GABRB2: variants seen among roughly 807,000 people sequenced by gnomAD.
GABRB2 encodes gamma-aminobutyric acid receptor subunit beta-2.
GABRB2 carries 16 observed loss-of-function variants against 54.7 expected under a neutral mutation model. The observed-to-expected ratio is 0.29, with a 90% confidence interval of 0.20 to 0.44. The LOEUF (loss-of-function observed/expected upper bound fraction) is 0.44, where lower values mean the gene tolerates loss of function less well. Ranked by LOEUF, GABRB2 falls within the 20% of genes least tolerant of loss-of-function variation. The pLI, the probability that GABRB2 is intolerant of heterozygous loss-of-function variation, is 1.00. For synonymous variants in GABRB2, 244 were observed against 233.8 expected (o/e 1.04, Z -0.40); for missense variants, 355 against 644.0 (o/e 0.55, Z 4.86).
intron 3 of GABRB2, among the ~76,000 whole-genome samples, chr5:161,517,650 A>G (rs562489977): frequency 6.6e-6 from 1 of 152,340 alleles, no homozygotes; most frequent in East Asian, 1.9e-4. Flanking sequence ...CACCGCCTGC[A>G]TTACTGCATC....
chr5:161,508,024 A>G (rs1386428376), intron 3 of GABRB2, among the ~76,000 whole-genome samples: 1 of 152,020 alleles, frequency 6.6e-6, no homozygotes, highest in East Asian at 1.9e-4. Flanking sequence ...GAATGGAAAC[A>G]TATGTATGCA....
chr5:161,522,530 GT>G (rs1431653064), intron 3 of GABRB2, among the ~76,000 whole-genome samples: 2 of 151,478 alleles, frequency 1.3e-5, no homozygotes, highest in African/African-American at 2.4e-5. Flanking sequence ...AGCAATGCTT[GT>G]TTTTTTCTAC....
At chr5:161,424,372 G>A (rs1756937024) in intron 4 of GABRB2, among the ~76,000 whole-genome samples, 1 of 152,054 alleles carries the variant, frequency 6.6e-6, no homozygotes. Flanking sequence ...GTTAAGGGCA[G>A]GTGACTCTTG....
chr5:161,403,467 C>T (rs1382094479), intron 5 of GABRB2, among the ~76,000 whole-genome samples: 1 of 152,060 alleles, frequency 6.6e-6, no homozygotes, highest in East Asian at 1.9e-4. Flanking sequence ...GTTTTAAAAA[C>T]CCATATGAGA....
Position 161,536,984 on chromosome 5 carries a change from C to A in GABRB2, c.237+8243G>T, listed in dbSNP as rs188818846. Among the ~76,000 whole-genome samples, 140 of 152,252 alleles carry A rather than the reference C, an allele frequency of 9.2e-4. 1 individual carries two copies. Among genetic ancestry groups the A allele is most frequent in the African/African-American group, 3.2e-3 (131 of 41,554 alleles). Reference sequence around the variant, plus strand: ...AAAGTGTAGTCTTCGACCACCGAAACTCCTCTTGCTACATTTCACCAGTGC... The same window carrying A: ...AAAGTGTAGTCTTCGACCACCGAAAATCCTCTTGCTACATTTCACCAGTGC... On this transcript the variant is annotated intron_variant, in intron 3 of 9. Transcript: ENST00000393959.
intron 5 of GABRB2, among the ~76,000 whole-genome samples, chr5:161,373,953 T>G (rs958392634): frequency 2.0e-5 from 3 of 152,126 alleles, no homozygotes; most frequent in African/African-American, 7.2e-5. Context: ...ATTAATTTTA[T>G]TTTTGTTGAG....
chr5:161,342,774 T>C (rs1189879355), intron 5 of GABRB2, among the ~76,000 whole-genome samples: 1 of 152,096 alleles, frequency 6.6e-6, no homozygotes, highest in East Asian at 1.9e-4. Flanking sequence ...TTCTGATTTT[T>C]AGTGGGTTAA....
chr5:161,294,978 G>A (rs1242740606), intron 9 of GABRB2, among the ~76,000 whole-genome samples: 1 of 152,128 alleles, frequency 6.6e-6, no homozygotes, highest in Non-Finnish European at 1.5e-5. Context: ...AAAACCCCCA[G>A]TTATGAGATG....
At chr5:161,477,756 G>A (rs532757801) in intron 3 of GABRB2, among the ~76,000 whole-genome samples, 1 of 152,094 alleles carries the variant, frequency 6.6e-6, no homozygotes, top group South Asian at 2.1e-4. Context: ...ATCTAGAGTA[G>A]TGAAGTTCAT....
At position 161,288,556 on chromosome 5, in the gene GABRB2, A is replaced by G. The variant is rs1220010759; in HGVS notation, c.*5525T>C. ...TTCAAGAAAATAATTCTTATGTGCT[A>G]TTCATTTATAATCCTCATTTTTTAC... On this transcript the variant is annotated 3_prime_UTR_variant, in exon 10 of 10. Coordinates refer to ENST00000393959, the MANE Select transcript of GABRB2 (RefSeq NM_001371727.1). 1 of 152,640 alleles carries G rather than the reference A, an allele frequency of 6.6e-6. No individual in the cohort carries two copies. Among genetic ancestry groups the G allele is most frequent in the East Asian group, 1.9e-4 (1 of 5,200 alleles). 9.5% of individuals were successfully genotyped at this position (152,640 alleles called of 1,614,324 possible). A position where few individuals can be genotyped will look rare whatever the true frequency, so the allele number is the denominator to read the frequency against.
chr5:161,501,071 T>TA (rs33984418), intron 3 of GABRB2, among the ~76,000 whole-genome samples: 64,262 of 151,644 alleles, frequency 0.42, 15,743 homozygotes, highest in African/African-American at 0.68. Context: ...ATCATCTAGT[T>TA]ACAGAATGTT....
chr5:161,289,207 AC>A lies in GABRB2; in HGVS notation c.*4873del, dbSNP rs1238052069. On this transcript the variant is annotated 3_prime_UTR_variant, in exon 10 of 10. Coordinates refer to ENST00000393959, the MANE Select transcript of GABRB2 (RefSeq NM_001371727.1). ...AAATATTTTACTTCAATTTCCAAAA[AC>A]CTAGTAGCTTTTTAAGAGTGCTGCT... 7.6e-6 allele frequency: 1 copy of A among 131,232 alleles called. No individual in the cohort carries two copies. Among genetic ancestry groups the A allele is most frequent in the Non-Finnish European group, 1.5e-5 (1 of 65,338 alleles). The allele number at this position is 131,232 out of a possible 1,614,324, so 8.1% of individuals were successfully genotyped here.
At chr5:161,420,308 T>C (rs1407363492) in intron 4 of GABRB2, among the ~76,000 whole-genome samples, 2 of 152,226 alleles carry the variant, frequency 1.3e-5, no homozygotes, top group Non-Finnish European at 2.9e-5. Context: ...CAGCTGGGTC[T>C]CTTTTCACTT....
intron 5 of GABRB2, among the ~76,000 whole-genome samples, chr5:161,401,293 G>A (rs1023655528): frequency 6.6e-6 from 1 of 152,038 alleles, no homozygotes; most frequent in African/African-American, 2.4e-5. Flanking sequence ...TTTCCACTTA[G>A]AAATAATAAA....
At chr5:161,358,627 A>G (rs2113447679) in intron 5 of GABRB2, among the ~76,000 whole-genome samples, 1 of 152,332 alleles carries the variant, frequency 6.6e-6, no homozygotes, top group African/African-American at 2.4e-5. Context: ...TGGAAGCATG[A>G]GAACAGCAAG....
At chr5:161,331,400 C>T (rs895573846) in intron 7 of GABRB2, among the ~76,000 whole-genome samples, 3 of 151,956 alleles carry the variant, frequency 2.0e-5, no homozygotes, top group Non-Finnish European at 2.9e-5. Context: ...GAATTAAATG[C>T]TATGATGGGC....
At chr5:161,479,384 C>A (rs1238576693) in intron 3 of GABRB2, among the ~76,000 whole-genome samples, 4 of 152,004 alleles carry the variant, frequency 2.6e-5, no homozygotes, top group Non-Finnish European at 5.9e-5. Flanking sequence ...TTACACAGTA[C>A]TTCTTACATT....
chr5:161,411,196 T>C, intron 4 of GABRB2, 139 bp from the exon 5 acceptor site: 1 of 624,248 alleles, frequency 1.6e-6, no homozygotes, highest in Non-Finnish European at 2.8e-6. Flanking sequence ...TGGATAACCA[T>C]ATTCCTTTAT....
At chr5:161,301,932 C>T (rs2113347228) in intron 9 of GABRB2, among the ~76,000 whole-genome samples, 1 of 152,328 alleles carries the variant, frequency 6.6e-6, no homozygotes, top group East Asian at 1.9e-4. Flanking sequence ...AAAGAAGTCT[C>T]CTGCTTCCAA....
Sources: gnomAD v4.1 joint callset for allele counts (sites outside exome capture counted in the v4.1 genomes callset) on GRCh38, gnomAD v4.1.1 for gene constraint, MANE v1.5 for transcripts, NCBI Gene and HGNC (gene_info 2026-07-23, HGNC 2026-07-21) for gene names.